Variants in NCAM2 observed in about 807,000 individuals in gnomAD.
NCAM2 encodes N-CAM-2.
Under a neutral mutation model 98.1 loss-of-function variants are expected in NCAM2, and 30 were observed. The observed-to-expected ratio is 0.31, with a 90% CI of 0.23 to 0.41. NCAM2 has a LOEUF of 0.41. Ranked by LOEUF, NCAM2 falls within the 10% of genes least tolerant of loss-of-function variation. The pLI is 1.00. For missense variants in NCAM2, 867 were observed against 1,005.8 expected, an observed-to-expected ratio of 0.86 and a Z score of 1.87; for synonymous variants, 368 against 342.4, an observed-to-expected ratio of 1.07 and a Z score of -0.83.
chr21:21,005,901 GA>G (rs1435087810), intron 1 of NCAM2, among the ~76,000 whole-genome samples: 2 of 151,804 alleles, frequency 1.3e-5, no homozygotes, highest in East Asian at 1.9e-4. Context: ...TCCAAGGGAG[GA>G]AAAAAAGAAC....
chr21:21,089,602 T>A (rs1418455328), intron 1 of NCAM2, among the ~76,000 whole-genome samples: 1 of 152,198 alleles, frequency 6.6e-6, no homozygotes, highest in African/African-American at 2.4e-5. Context: ...TGAGCCTGTG[T>A]GTGCCTGACA....
chr21:21,131,683 C>G (rs114012849), intron 1 of NCAM2, among the ~76,000 whole-genome samples: 1 of 152,096 alleles, frequency 6.6e-6, no homozygotes, highest in African/African-American at 2.4e-5. Context: ...ACGTCAATTA[C>G]TACAATTTTA....
At position 21,534,440 on chromosome 21, in the gene NCAM2, G is replaced by A. The variant is rs930440985; in HGVS notation, c.2283-97G>A. 5.6e-5 allele frequency: 57 copies of A among 1,025,452 alleles called. No individual in the cohort carries two copies. In the African/African-American group the frequency reaches 9.2e-4, roughly 17 times the overall value. 63.5% of individuals were successfully genotyped at this position (1,025,452 alleles called of 1,614,324 possible). A position where few individuals can be genotyped will look rare whatever the true frequency, so the allele number is the denominator to read the frequency against. ...AAATTAACCAAGTTGGATTTATTTG[G>A]AGGAAGGTAGAATTGGGTGATTTTA... On this transcript the variant is annotated intron_variant, in intron 16 of 17. Coordinates refer to ENST00000400546, the MANE Select transcript of NCAM2 (RefSeq NM_004540.5).
intron 12 of NCAM2, among the ~76,000 whole-genome samples, chr21:21,444,672 G>A (rs1979822708): frequency 6.6e-6 from 1 of 152,174 alleles, no homozygotes; most frequent in East Asian, 1.9e-4. Context: ...TGTGGGATCA[G>A]TGGTGACATT....
intron 15 of NCAM2, among the ~76,000 whole-genome samples, chr21:21,498,271 G>A (rs1265468534): frequency 6.6e-6 from 1 of 151,962 alleles, no homozygotes; most frequent in African/African-American, 2.4e-5. Context: ...GATTTTTAAT[G>A]TTTTTAAGCA....
intron 16 of NCAM2, among the ~76,000 whole-genome samples, chr21:21,525,188 A>T (rs2146400005): frequency 6.6e-6 from 1 of 152,220 alleles, no homozygotes; most frequent in South Asian, 2.1e-4. Flanking sequence ...TTCAAAACAA[A>T]ATCAATAGAG....
chr21:21,075,448 T>C (rs2065661585), intron 1 of NCAM2, among the ~76,000 whole-genome samples: 1 of 152,194 alleles, frequency 6.6e-6, no homozygotes, highest in South Asian at 2.1e-4. Flanking sequence ...GATACTCTTC[T>C]TTTTTTAGTA....
chr21:21,071,956 A>C (rs551158287), intron 1 of NCAM2, among the ~76,000 whole-genome samples: 11 of 151,804 alleles, frequency 7.2e-5, no homozygotes, highest in African/African-American at 2.7e-4. Context: ...TCTGTTGCCC[A>C]GGCTGGAGTG....
chr21:21,167,135 G>A (rs2067977792), intron 1 of NCAM2, among the ~76,000 whole-genome samples: 1 of 151,922 alleles, frequency 6.6e-6, no homozygotes. Context: ...GGGGTGATCT[G>A]GGAATTACTA....
intron 1 of NCAM2, among the ~76,000 whole-genome samples, chr21:21,026,486 G>A (rs1003075187): frequency 2.0e-5 from 3 of 152,116 alleles, no homozygotes; most frequent in South Asian, 4.2e-4. Flanking sequence ...TTAGCTGGGC[G>A]TGGTGGCAGG....
chr21:21,504,631 A>G (rs1987859117), intron 15 of NCAM2, among the ~76,000 whole-genome samples: 2 of 151,834 alleles, frequency 1.3e-5, no homozygotes, highest in African/African-American at 4.8e-5. Flanking sequence ...TAATTAAAAT[A>G]CTTAACTTTT....
chr21:21,443,292 G>A (rs916340910), intron 12 of NCAM2, among the ~76,000 whole-genome samples: 9 of 152,074 alleles, frequency 5.9e-5, no homozygotes, highest in African/African-American at 1.7e-4. Context: ...GGGAGCCTGG[G>A]GAGGGATAAC....
intron 8 of NCAM2, among the ~76,000 whole-genome samples, chr21:21,343,609 T>A (rs543803204): frequency 6.6e-6 from 1 of 152,172 alleles, no homozygotes; most frequent in African/African-American, 2.4e-5. Flanking sequence ...GTGAACTCAG[T>A]CCTGACCTGT....
chr21:21,334,323 T>A (rs1017088591), intron 6 of NCAM2, among the ~76,000 whole-genome samples: 1 of 152,166 alleles, frequency 6.6e-6, no homozygotes, highest in Non-Finnish European at 1.5e-5. Context: ...AGAGATGTCA[T>A]GAGAAACTGG....
At chr21:21,224,723 A>G (rs1601695817) in intron 1 of NCAM2, among the ~76,000 whole-genome samples, 2 of 152,152 alleles carry the variant, frequency 1.3e-5, no homozygotes, top group East Asian at 3.9e-4. Context: ...ATGCCCTTAT[A>G]TTGGGAAGCC....
intron 1 of NCAM2, among the ~76,000 whole-genome samples, chr21:21,119,292 G>T (rs1047692447): frequency 5.9e-5 from 9 of 151,986 alleles, no homozygotes; most frequent in African/African-American, 9.7e-5. Flanking sequence ...TCAGCCCAAG[G>T]GTACTAATTT....
chr21:21,198,097 T>A (rs2069075290), intron 1 of NCAM2, among the ~76,000 whole-genome samples: 1 of 152,066 alleles, frequency 6.6e-6, no homozygotes, highest in Non-Finnish European at 1.5e-5. Context: ...TTATGTATTT[T>A]TATATATATT....
chr21:21,331,102 T>C (rs552583079), intron 6 of NCAM2, among the ~76,000 whole-genome samples: 1 of 152,214 alleles, frequency 6.6e-6, no homozygotes, highest in African/African-American at 2.4e-5. Context: ...ACCTACCCTC[T>C]GTATCATACC....
At chr21:21,534,972 C>A (rs1989906366) in intron 17 of NCAM2, among the ~76,000 whole-genome samples, 1 of 151,924 alleles carries the variant, frequency 6.6e-6, no homozygotes, top group Non-Finnish European at 1.5e-5. Flanking sequence ...GTGTTGTTTT[C>A]TCTTTCAAGA....
Sources: gnomAD v4.1 joint callset for allele counts (sites outside exome capture counted in the v4.1 genomes callset) on GRCh38, gnomAD v4.1.1 for gene constraint, MANE v1.5 for transcripts, NCBI Gene and HGNC (gene_info 2026-07-23, HGNC 2026-07-21) for gene names.